Variants in ABCA13 observed in about 807,000 individuals in gnomAD.
ABCA13 encodes ATP binding cassette subfamily A member 13, also known as ATP-binding cassette sub-family A member 13.
In ABCA13, 476 loss-of-function variants were observed where a neutral mutation model predicts 478.7. That is an observed-to-expected ratio of 0.99 (90% CI 0.92 to 1.07). ABCA13 has a LOEUF of 1.07. ABCA13 is among the 50% of genes least tolerant of loss of function. The pLI, the probability that ABCA13 is intolerant of heterozygous loss-of-function variation, is 0.00. For missense variants in ABCA13, 6,060 were observed against 5,910.6 expected, an observed-to-expected ratio of 1.03 and a Z score of -0.83; for synonymous variants, 2,252 against 2,158.9, an observed-to-expected ratio of 1.04 and a Z score of -1.20.
At chr7:48,637,403 A>AAAAAAAAG in intron 59 of ABCA13, among the ~76,000 whole-genome samples, 1 of 148,178 alleles carries the variant, frequency 6.7e-6, no homozygotes, top group African/African-American at 2.6e-5. Flanking sequence ...AAAAAAAAAA[A>AAAAAAAAG]AAACAGAGAG....
intron 55 of ABCA13, among the ~76,000 whole-genome samples, chr7:48,549,400 C>CT (rs1307853831): frequency 6.6e-6 from 1 of 151,646 alleles, no homozygotes; most frequent in Admixed American, 6.6e-5. Context: ...TGATCTCGTT[C>CT]TTTTTTATGG....
intron 55 of ABCA13, among the ~76,000 whole-genome samples, chr7:48,570,244 A>G (rs896394746): frequency 1.4e-4 from 20 of 146,856 alleles, no homozygotes; most frequent in Non-Finnish European, 1.2e-4. Context: ...CTTCAAGTCT[A>G]TTTTGTTATA....
chr7:48,475,812 A>C (rs1828030166), intron 45 of ABCA13, among the ~76,000 whole-genome samples: 1 of 152,102 alleles, frequency 6.6e-6, no homozygotes, highest in Admixed American at 6.6e-5. Context: ...CCAAACCTAC[A>C]AAAAGGTTCC....
At chr7:48,581,954 T>A (rs1788748758) in intron 56 of ABCA13, among the ~76,000 whole-genome samples, 1 of 152,236 alleles carries the variant, frequency 6.6e-6, no homozygotes, top group Admixed American at 6.5e-5. Flanking sequence ...TCACAAGATG[T>A]CCAGAAAGAA....
chr7:48,597,574 G>A (rs66481137), intron 58 of ABCA13, among the ~76,000 whole-genome samples: 18,329 of 152,124 alleles, frequency 0.12, 1,441 homozygotes, highest in Admixed American at 0.22. Context: ...TATGTTCCCA[G>A]CAACAATGAT....
At position 48,278,844 on chromosome 7, in the gene ABCA13, C is replaced by T. The variant is rs114418661; in HGVS notation, c.7650C>T (p.Asp2550=). The T allele has an allele frequency of 1.4e-3, 2,339 of 1,613,600 alleles. 28 individuals are homozygous for T. In the African/African-American group the frequency reaches 0.028, roughly 19 times the overall value. ...FKTHFISNTK[D]SVKFFDTLYS... is the part of the protein sequence containing the mutation. ...CTCATTTTATCTCCAATACCAAGGA[C>T]AGTGTGAAATTCTTTGACACTCTGT... The change falls in exon 18 of 62, where the codon GAC becomes GAT. Residue 2550 remains aspartate, a synonymous_variant. Coordinates refer to ENST00000435803, the MANE Select transcript of ABCA13 (RefSeq NM_152701.5).
intron 43 of ABCA13, among the ~76,000 whole-genome samples, chr7:48,462,798 C>T (rs761209719): frequency 2.8e-4 from 42 of 152,118 alleles, no homozygotes; most frequent in Middle Eastern, 6.3e-3. Context: ...CGTGAGCCAC[C>T]GCATCCTGCC....
intron 55 of ABCA13, among the ~76,000 whole-genome samples, chr7:48,529,764 C>CTT (rs61385328): frequency 8.6e-5 from 13 of 151,296 alleles, no homozygotes; most frequent in African/African-American, 2.4e-4. Flanking sequence ...TTGACAATCT[C>CTT]TTTTTTTTTA....
chr7:48,279,967 G>T, intron 18 of ABCA13, 47 bp downstream of exon 18: 1 of 1,471,586 alleles, frequency 6.8e-7, no homozygotes. Context: ...TACCGCAGTA[G>T]CTATAAAATA....
intron 48 of ABCA13, among the ~76,000 whole-genome samples, chr7:48,501,219 C>T (rs1830713275): frequency 6.6e-6 from 1 of 152,162 alleles, no homozygotes; most frequent in Non-Finnish European, 1.5e-5. Flanking sequence ...GTTTTCTCTA[C>T]TTACTTGATG....
chr7:48,463,458 G>C (rs930590566), intron 43 of ABCA13, among the ~76,000 whole-genome samples: 2 of 152,156 alleles, frequency 1.3e-5, no homozygotes, highest in Non-Finnish European at 2.9e-5. Context: ...GGGGTCCAGC[G>C]AGAGAGGGGA....
Position 48,352,467 on chromosome 7 carries a change from C to G in ABCA13, c.10668C>G (p.Tyr3556Ter). The change falls in exon 31 of 62, where the codon TAC becomes TAG. Residue 3556 changes from tyrosine (Y) to a stop codon, truncating the protein, a stop_gained. Coordinates refer to ENST00000435803, the MANE Select transcript of ABCA13 (RefSeq NM_152701.5). LOFTEE classifies it high-confidence loss of function. The stretch of plus-strand genomic sequence containing the variant: ...CAGCACAGACTCAGGCGGCCCCTTA[C>G]CCCTGCCATACCAGCGACCTGTGAG... ...EPAAQTQAAP[Y>*]PCHTSDLFLN... 6.2e-7 allele frequency: 1 copy of G among 1,607,210 alleles called. No homozygotes were observed. The highest frequency in any genetic ancestry group is 1.3e-5 in the African/African-American group (1 of 74,634).
Position 48,273,932 on chromosome 7 carries a change from G to A in ABCA13, c.4266G>A (p.Gly1422=). Residue 1422 remains glycine (G), a synonymous_variant, in exon 17 of 62, where the codon GGG becomes GGA. Coordinates refer to ENST00000435803, the MANE Select transcript of ABCA13 (RefSeq NM_152701.5). ...FSQGHLQNIL[G]NFRDIENKMN... ...AAGGTCATCTTCAAAATATTTTGGG[G>A]AATTTCAGAGATATAGAAAACAAAA... 1.2e-6 allele frequency: 2 copies of A among 1,612,342 alleles called. No homozygotes were observed. The highest frequency in any genetic ancestry group is 1.7e-6 in the Non-Finnish European group (2 of 1,179,076).
At chr7:48,439,036 G>T (rs1341621324) in intron 42 of ABCA13, among the ~76,000 whole-genome samples, 1 of 151,706 alleles carries the variant, frequency 6.6e-6, no homozygotes, top group African/African-American at 2.4e-5. Context: ...TCCATTTCCA[G>T]TTTCCAAAAT....
intron 8 of ABCA13, among the ~76,000 whole-genome samples, chr7:48,235,469 G>A (rs9784959): frequency 0.17 from 25,614 of 152,126 alleles, 2,636 homozygotes; most frequent in African/African-American, 0.3. Flanking sequence ...TATATCAACA[G>A]AGCTCCATGG....
intron 24 of ABCA13, among the ~76,000 whole-genome samples, chr7:48,310,748 A>C (rs563151301): frequency 2.0e-5 from 3 of 152,224 alleles, no homozygotes; most frequent in Non-Finnish European, 4.4e-5. Flanking sequence ...GAAGCTAAAG[A>C]TGATGAAGTC....
chr7:48,374,286 A>G (rs972458571), intron 33 of ABCA13, 61 bp from the exon 34 acceptor site: 2 of 1,486,148 alleles, frequency 1.3e-6, no homozygotes, highest in South Asian at 1.3e-5. Context: ...AGTGTTGTGG[A>G]TTTTCTGTGG....
At chr7:48,486,317 G>C in intron 47 of ABCA13, among the ~76,000 whole-genome samples, 1 of 152,160 alleles carries the variant, frequency 6.6e-6, no homozygotes, top group East Asian at 1.9e-4. Context: ...CTGAGGCCAT[G>C]TCTTTCAACA....
chr7:48,482,470 C>T (rs1232969343), intron 46 of ABCA13, among the ~76,000 whole-genome samples: 3 of 152,078 alleles, frequency 2.0e-5, no homozygotes, highest in Non-Finnish European at 2.9e-5. Flanking sequence ...CTCCGCCTCC[C>T]AGGTTCAAGC....
Sources: gnomAD v4.1 joint callset for allele counts (sites outside exome capture counted in the v4.1 genomes callset) on GRCh38, gnomAD v4.1.1 for gene constraint, MANE v1.5 for transcripts, NCBI Gene and HGNC (gene_info 2026-07-23, HGNC 2026-07-21) for gene names.